KRABD5: variants seen among roughly 807,000 people sequenced by gnomAD.
KRABD5 encodes KRAB domain containing 5.
the KRABD5 span, chr16:31,755,720 T>A: frequency 2.6e-6 from 1 of 382,932 alleles, no homozygotes; most frequent in African/African-American, 2.1e-5. Flanking sequence ...ATTTCTATAG[T>A]TGTAGTAAAT....
chr16:31,736,534 T>A, the KRABD5 span, among the ~76,000 whole-genome samples: 1 of 146,374 alleles, frequency 6.8e-6, no homozygotes, highest in South Asian at 2.3e-4. Flanking sequence ...TTTTTTTTTT[T>A]AAGATGGAGT....
At chr16:31,754,525 T>C in the KRABD5 span, 1 of 593,092 alleles carries the variant, frequency 1.7e-6, no homozygotes, top group Non-Finnish European at 3.2e-6. Flanking sequence ...ATCAGAAAAC[T>C]CATTTTCTAC....
the KRABD5 span, among the ~76,000 whole-genome samples, chr16:31,737,120 C>T: frequency 6.6e-6 from 1 of 152,222 alleles, no homozygotes; most frequent in East Asian, 1.9e-4. Context: ...AAGATGAAAG[C>T]TTTTTCTCTG....
chr16:31,753,925 A>G, the KRABD5 span: 18 of 1,551,210 alleles, frequency 1.2e-5, no homozygotes, highest in Non-Finnish European at 1.6e-5. Context: ...CACAATGGAT[A>G]TTATGATGGA....
At chr16:31,727,896 C>T in the KRABD5 span, among the ~76,000 whole-genome samples, 1 of 152,170 alleles carries the variant, frequency 6.6e-6, no homozygotes, top group Non-Finnish European at 1.5e-5. Context: ...GGGTCTCACT[C>T]TGATGTCCAA....
the KRABD5 span, chr16:31,754,321 C>A: frequency 1.6e-6 from 1 of 612,924 alleles, no homozygotes; most frequent in South Asian, 2.0e-5. Context: ...ATAGAAAGGT[C>A]TTCATTCATT....
the KRABD5 span, chr16:31,733,369 A>T: frequency 5.4e-6 from 2 of 367,566 alleles, no homozygotes. Context: ...GAAACATTTT[A>T]TAACTATCTC....
At chr16:31,735,883 A>G in the KRABD5 span, among the ~76,000 whole-genome samples, 7 of 152,234 alleles carry the variant, frequency 4.6e-5, no homozygotes, top group African/African-American at 1.4e-4. Flanking sequence ...TCACTCTGTT[A>G]TTTCATTTCA....
chr16:31,751,815 T>C, the KRABD5 span, among the ~76,000 whole-genome samples: 1 of 152,228 alleles, frequency 6.6e-6, no homozygotes, highest in South Asian at 2.1e-4. Flanking sequence ...TGTGCTCAGC[T>C]TATTTTTCTT....
At chr16:31,719,225 C>T in the KRABD5 span, among the ~76,000 whole-genome samples, 2 of 152,332 alleles carry the variant, frequency 1.3e-5, no homozygotes, top group African/African-American at 4.8e-5. Context: ...TGATTTGGGA[C>T]ACTGTCCTTA....
the KRABD5 span, among the ~76,000 whole-genome samples, chr16:31,726,712 A>G: frequency 6.6e-6 from 1 of 152,160 alleles, no homozygotes; most frequent in Admixed American, 6.5e-5. Context: ...GTGAGCCAAG[A>G]TCACGCCACT....
the KRABD5 span, among the ~76,000 whole-genome samples, chr16:31,753,336 A>G: frequency 6.6e-6 from 1 of 152,212 alleles, no homozygotes; most frequent in African/African-American, 2.4e-5. Context: ...TATCATTTCA[A>G]CTATATCACC....
At chr16:31,751,563 T>G in the KRABD5 span, among the ~76,000 whole-genome samples, 3 of 152,246 alleles carry the variant, frequency 2.0e-5, no homozygotes, top group Non-Finnish European at 4.4e-5. Flanking sequence ...TTCTAATTTA[T>G]GTGCATAGAA....
chr16:31,741,326 T>C, the KRABD5 span, among the ~76,000 whole-genome samples: 1 of 152,190 alleles, frequency 6.6e-6, no homozygotes, highest in Non-Finnish European at 1.5e-5. Context: ...GGGTATATAC[T>C]GAGTAATAGA....
the KRABD5 span, among the ~76,000 whole-genome samples, chr16:31,734,580 C>G: frequency 1.3e-5 from 2 of 151,828 alleles, no homozygotes; most frequent in Non-Finnish European, 2.9e-5. Context: ...ATATGCAATA[C>G]CCTTCTATTA....
At chr16:31,757,997 G>C in the KRABD5 span, 1 of 152,140 alleles carries the variant, frequency 6.6e-6, no homozygotes, top group East Asian at 1.9e-4. Context: ...TTCAGAGATA[G>C]ATAATGTTCC....
chr16:31,759,490 A>G, the KRABD5 span: 2 of 1,357,474 alleles, frequency 1.5e-6, no homozygotes, highest in Non-Finnish European at 2.0e-6. Flanking sequence ...GGGTCTATTT[A>G]TTTGTCTAAC....
the KRABD5 span, among the ~76,000 whole-genome samples, chr16:31,747,897 G>T: frequency 1.1e-4 from 17 of 152,136 alleles, no homozygotes; most frequent in African/African-American, 3.9e-4. Context: ...TTAGCCCTTT[G>T]TCAGATGAGT....
At chr16:31,713,966 T>G in the KRABD5 span, among the ~76,000 whole-genome samples, 14 of 152,260 alleles carry the variant, frequency 9.2e-5, no homozygotes, top group African/African-American at 3.4e-4. Context: ...GGAAAAGAAA[T>G]AGGGACAATC....
Sources: allele counts gnomAD v4.1 joint callset (sites outside exome capture counted in the v4.1 genomes callset), GRCh38; gene constraint gnomAD v4.1.1; transcripts MANE v1.5; gene names NCBI Gene and HGNC (gene_info 2026-07-23, HGNC 2026-07-21).